Variants in COLGALT2 observed in about 807,000 individuals in gnomAD.
COLGALT2 encodes collagen beta(1-O)galactosyltransferase 2.
COLGALT2 carries 49 observed loss-of-function variants against 73.4 expected under a neutral mutation model. The ratio of observed to expected loss-of-function variants is 0.67; its 90% CI spans 0.53 to 0.85. The LOEUF (loss-of-function observed/expected upper bound fraction) is 0.85, where lower values mean the gene tolerates loss of function less well. COLGALT2 is among the 40% of genes least tolerant of loss of function. COLGALT2 has a pLI of 0.00. For missense variants in COLGALT2, 722 were observed against 790.2 expected (o/e 0.91, Z 1.03); for synonymous variants, 295 against 307.6 (o/e 0.96, Z 0.43).
At position 183,986,783 on chromosome 1, in the gene COLGALT2, T is replaced by A. The variant is rs191601596; in HGVS notation, c.264-8263A>T. 2.0e-5 allele frequency among the ~76,000 whole-genome samples: 3 copies of A among 152,298 alleles called. No homozygotes were observed. The East Asian group carries it at 5.8e-4, about 29-fold the overall frequency. ...TTACTCATTATCTTTATTTCCCCTG[T>A]TATAGAAAAGAAGGCTGAGGATGAG... On this transcript the variant is annotated intron_variant, in intron 1 of 11. Coordinates refer to ENST00000361927, the MANE Select transcript of COLGALT2 (RefSeq NM_015101.4).
chr1:184,031,314 A>C (rs1649503341), intron 1 of COLGALT2, among the ~76,000 whole-genome samples: 1 of 152,232 alleles, frequency 6.6e-6, no homozygotes, highest in Non-Finnish European at 1.5e-5. Flanking sequence ...TGTAGCTATG[A>C]TCACAGCAAG....
chr1:183,957,244 A>G (rs1670577767), intron 6 of COLGALT2, among the ~76,000 whole-genome samples: 1 of 152,108 alleles, frequency 6.6e-6, no homozygotes, highest in South Asian at 2.1e-4. Context: ...GAGTGTCTCT[A>G]TTTTTATAGA....
chr1:184,004,776 G>A (rs1427074670), intron 1 of COLGALT2, among the ~76,000 whole-genome samples: 7 of 152,120 alleles, frequency 4.6e-5, no homozygotes. Context: ...GGGAGCCACT[G>A]CACAGGACAA....
At chr1:183,950,879 G>A (rs1572633414) in intron 8 of COLGALT2, 128 bp downstream of exon 8, 14 of 666,482 alleles carry the variant, frequency 2.1e-5, no homozygotes, top group East Asian at 5.1e-5. Flanking sequence ...ACAGGTGGCC[G>A]TTTTGAAAAT....
intron 5 of COLGALT2, among the ~76,000 whole-genome samples, chr1:183,965,041 C>G (rs1397312226): frequency 6.6e-6 from 1 of 152,222 alleles, no homozygotes; most frequent in Non-Finnish European, 1.5e-5. Context: ...TGTCTCATGG[C>G]ATTAACAGAG....
intron 2 of COLGALT2, among the ~76,000 whole-genome samples, chr1:183,976,866 A>G (rs1449197374): frequency 1.3e-5 from 2 of 152,238 alleles, no homozygotes; most frequent in Non-Finnish European, 2.9e-5. Context: ...GTGATTAAGA[A>G]TAGGTTTCTA....
At chr1:184,006,179 G>A (rs1459420559) in intron 1 of COLGALT2, among the ~76,000 whole-genome samples, 1 of 152,104 alleles carries the variant, frequency 6.6e-6, no homozygotes, top group East Asian at 1.9e-4. Flanking sequence ...CCCATATGTT[G>A]AACATTTAAC....
chr1:183,934,368 G>A (rs920176788), downstream of COLGALT2, among the ~76,000 whole-genome samples: 6 of 152,160 alleles, frequency 3.9e-5, no homozygotes, highest in South Asian at 8.3e-4. Flanking sequence ...ACTTAGGGCC[G>A]CGGGCTCACA....
intron 1 of COLGALT2, among the ~76,000 whole-genome samples, chr1:184,015,935 A>C (rs114502072): frequency 0.015 from 2,334 of 152,344 alleles, 64 homozygotes; most frequent in African/African-American, 0.053. Context: ...ATTGACAGTC[A>C]CTATTAGCTT....
intron 1 of COLGALT2, among the ~76,000 whole-genome samples, chr1:183,987,504 G>T (rs1671520849): frequency 6.6e-6 from 1 of 152,204 alleles, no homozygotes; most frequent in Admixed American, 6.5e-5. Context: ...TGCATCACTA[G>T]CTTGCCATGC....
rs557134711 is a variant in COLGALT2, at chr1:184,037,609, C to G, written c.-252G>C. On this transcript the variant is annotated 5_prime_UTR_variant, in exon 1 of 12. Coordinates refer to ENST00000361927, the MANE Select transcript of COLGALT2 (RefSeq NM_015101.4). ...CAGCCGCTGGCGCTCCCCTGCGCCT[C>G]GGGCTCGCAGACAGTAGTGGCCGAG... 3,057 of 1,073,472 alleles carry G rather than the reference C, an allele frequency of 2.8e-3. 7 individuals carry two copies. The highest frequency in any genetic ancestry group is 3.2e-3 in the Non-Finnish European group (2,876 of 888,188). 66.5% of individuals were successfully genotyped at this position (1,073,472 alleles called of 1,614,324 possible). A position where few individuals can be genotyped will look rare whatever the true frequency, so the allele number is the denominator to read the frequency against.
At chr1:184,025,491 A>G (rs1649306140) in intron 1 of COLGALT2, among the ~76,000 whole-genome samples, 1 of 152,234 alleles carries the variant, frequency 6.6e-6, no homozygotes, top group Admixed American at 6.5e-5. Flanking sequence ...TGAGCTGGCC[A>G]GAGCCTGGCT....
At chr1:184,036,484 A>G (rs1235818517) in intron 1 of COLGALT2, among the ~76,000 whole-genome samples, 1 of 152,176 alleles carries the variant, frequency 6.6e-6, no homozygotes, top group Non-Finnish European at 1.5e-5. Flanking sequence ...CGGTGGTGCC[A>G]TGGTTGGGCA....
intron 1 of COLGALT2, among the ~76,000 whole-genome samples, chr1:183,988,639 G>A (rs965277211): frequency 6.6e-6 from 1 of 152,040 alleles, no homozygotes; most frequent in Non-Finnish European, 1.5e-5. Flanking sequence ...TGTTTTCAAG[G>A]TTCACGCATG....
intron 6 of COLGALT2, among the ~76,000 whole-genome samples, chr1:183,955,049 C>T (rs1670515392): frequency 6.6e-6 from 1 of 152,184 alleles, no homozygotes; most frequent in African/African-American, 2.4e-5. Flanking sequence ...ATGGAGATTG[C>T]AACATTTGCT....
intron 1 of COLGALT2, among the ~76,000 whole-genome samples, chr1:183,988,726 T>C (rs551812327): frequency 2.3e-4 from 35 of 152,336 alleles, no homozygotes; most frequent in Admixed American, 3.9e-4. Flanking sequence ...ACATTTTGTT[T>C]ATTCATTTAT....
Position 183,937,181 on chromosome 1 carries a change from TTAAG to T in COLGALT2, c.*1576_*1579del, listed in dbSNP as rs1379607854. The T allele has an allele frequency of 1.6e-6, 2 of 1,225,790 alleles. No homozygotes were observed. Among genetic ancestry groups the T allele is most frequent in the South Asian group, 8.5e-5 (2 of 23,408 alleles). 75.9% of individuals were successfully genotyped at this position (1,225,790 alleles called of 1,614,324 possible). A position where few individuals can be genotyped will look rare whatever the true frequency, so the allele number is the denominator to read the frequency against. Reference sequence around the variant, plus strand: ...GCTCTGAAGGGCCCTCCCCATGAGTTTAAGTGTGAAGCTCAGGGTTTGGGGTGTG... The same window carrying T: ...GCTCTGAAGGGCCCTCCCCATGAGTTTGTGAAGCTCAGGGTTTGGGGTGTG... On this transcript the variant is annotated 3_prime_UTR_variant, in exon 12 of 12. Transcript: ENST00000361927.
chr1:183,960,615 G>C (rs1483674627), intron 6 of COLGALT2, among the ~76,000 whole-genome samples: 2 of 152,148 alleles, frequency 1.3e-5, no homozygotes, highest in Admixed American at 1.3e-4. Flanking sequence ...TACATTACAG[G>C]CATTCTATGT....
rs1161116692 is a variant in COLGALT2 at position 183,936,336 on chromosome 1, C to T, written c.*2425G>A. 2.0e-6 allele frequency: 2 copies of T among 976,994 alleles called. No homozygotes were observed. Among genetic ancestry groups the T allele is most frequent in the African/African-American group, 3.6e-5 (2 of 55,988 alleles). 60.5% of individuals were successfully genotyped at this position (976,994 alleles called of 1,614,324 possible). A position where few individuals can be genotyped will look rare whatever the true frequency, so the allele number is the denominator to read the frequency against. On this transcript the variant is annotated 3_prime_UTR_variant, in exon 12 of 12. Transcript: ENST00000361927. Reference sequence around the variant, plus strand: ...TAAAAAAAAAGTCACATCTGCGGCTCACAGTGTTCACCAGAAAAGAACACT... The same window carrying T: ...TAAAAAAAAAGTCACATCTGCGGCTTACAGTGTTCACCAGAAAAGAACACT...
Sources: gnomAD v4.1 joint callset for allele counts (sites outside exome capture counted in the v4.1 genomes callset) on GRCh38, gnomAD v4.1.1 for gene constraint, MANE v1.5 for transcripts, NCBI Gene and HGNC (gene_info 2026-07-23, HGNC 2026-07-21) for gene names.